UGT2B11: variants seen among roughly 807,000 people sequenced by gnomAD.
The protein encoded by UGT2B11 is UDP-glucuronosyltransferase 2B11.
A neutral mutation model predicts 51.7 loss-of-function variants in UGT2B11; 49 were observed. The ratio of observed to expected loss-of-function variants is 0.95; its 90% CI spans 0.75 to 1.20. The LOEUF (loss-of-function observed/expected upper bound fraction) is 1.20. Ranked by LOEUF, UGT2B11 falls within the 50% of genes most tolerant of loss-of-function variation. UGT2B11 has a pLI of 0.00. For missense variants in UGT2B11, 810 were observed against 622.1 expected (o/e 1.30, Z -3.21); for synonymous variants, 273 against 209.0 (o/e 1.31, Z -2.64).
In UGT2B11 at chr4:69,214,411, G is replaced by T. The variant is rs777772060; in HGVS notation, c.312C>A (p.Ser104Arg). The T allele has an allele frequency of 5.0e-6, 8 of 1,612,836 alleles. No homozygotes were observed. The highest frequency in any genetic ancestry group is 5.9e-6 in the Non-Finnish European group (7 of 1,179,470). ...VKRWSDIRKD[S>R]FWLYFSQEQE... ...GTTCTTGTGAAAAATATAACCAAAA[G>T]CTATCTTTTCGAATGTCTGACCATC... The change falls in exon 1 of 6, where the codon AGC becomes AGA. Residue 104 changes from serine to arginine, a missense_variant. Ser to Arg is a moderately radical substitution (Grantham distance 110, BLOSUM62 -1). Transcript: ENST00000446444.
At chr4:69,202,851 C>T (rs1270327731) in intron 5 of UGT2B11, among the ~76,000 whole-genome samples, 1 of 151,328 alleles carries the variant, frequency 6.6e-6, no homozygotes, top group Non-Finnish European at 1.5e-5. Context: ...ATTCGTTATC[C>T]TTCCATTTTC....
chr4:69,224,911 C>G, the UGT2B11 span, among the ~76,000 whole-genome samples: 2 of 152,038 alleles, frequency 1.3e-5, no homozygotes, highest in African/African-American at 2.4e-5. Flanking sequence ...GTTACCAGAG[C>G]CAGAAACAAA....
At chr4:69,215,001 T>C (rs1307784222), upstream of UGT2B11, 2 of 356,518 alleles carry the variant, frequency 5.6e-6, no homozygotes, top group Admixed American at 4.5e-5. Context: ...TTTATAATAG[T>C]GTCAAGAACA....
upstream of UGT2B11, among the ~76,000 whole-genome samples, chr4:69,218,225 G>A (rs1722324513): frequency 6.6e-6 from 1 of 151,962 alleles, no homozygotes; most frequent in East Asian, 1.9e-4. Flanking sequence ...GAGCCACCCA[G>A]CATTTGATAA....
At chr4:69,221,259 T>A in the UGT2B11 span, among the ~76,000 whole-genome samples, 1 of 152,194 alleles carries the variant, frequency 6.6e-6, no homozygotes, top group African/African-American at 2.4e-5. Context: ...ACTATTTGGT[T>A]TTTGTATTCC....
chr4:69,217,051 C>T (rs1252983722), upstream of UGT2B11, among the ~76,000 whole-genome samples: 1 of 152,098 alleles, frequency 6.6e-6, no homozygotes, highest in Non-Finnish European at 1.5e-5. Flanking sequence ...TTTATCCAAA[C>T]AGATATGTTT....
At position 69,214,743 on chromosome 4, in the gene UGT2B11, C is replaced by A. The variant is rs780140829; in HGVS notation, c.-21G>T. 9 of 1,603,630 alleles carry A rather than the reference C, an allele frequency of 5.6e-6. No individual in the cohort carries two copies. In the Middle Eastern group the frequency reaches 8.4e-4, roughly 149 times the overall value. ...GTCATCCTGGTGCAATGCGATCATT[C>A]TTTTCCAGTCACTGTTTCTTTCTCA... is the stretch of plus-strand genomic sequence containing the variant. On this transcript the variant is annotated 5_prime_UTR_variant, in exon 1 of 6. Transcript: ENST00000446444.
In UGT2B11 at chr4:69,214,641, C is replaced by A; in HGVS notation, c.82G>T (p.Val28Leu). Residue 28 changes from valine to leucine, a missense_variant, in exon 1 of 6, where the codon GTG becomes TTG. Coordinates refer to ENST00000446444, the MANE Select transcript of UGT2B11 (RefSeq NM_001073.3). The stretch of plus-strand genomic sequence containing the variant: ...CAATGGCTGTATTCTGCGGCCCACA[C>A]CAGCACTTTTCCACAACTCCCAGAG... ...FSSGSCGKVL[V>L]WAAEYSHWMN... 6.2e-7 allele frequency: 1 copy of A among 1,613,188 alleles called. No individual in the cohort carries two copies. The highest frequency in any genetic ancestry group is 8.5e-7 in the Non-Finnish European group (1 of 1,179,362).
intron 3 of UGT2B11, among the ~76,000 whole-genome samples, chr4:69,206,663 T>A (rs1309329441): frequency 2.0e-5 from 3 of 151,590 alleles, no homozygotes; most frequent in African/African-American, 7.3e-5. Context: ...ATTTAAAAAA[T>A]AAAAATATTA....
chr4:69,218,623 T>A (rs974350231), upstream of UGT2B11, among the ~76,000 whole-genome samples: 8 of 151,818 alleles, frequency 5.3e-5, no homozygotes, highest in South Asian at 2.1e-4. Flanking sequence ...TGTTCCCAGA[T>A]AAAGGGGCCT....
the UGT2B11 span, among the ~76,000 whole-genome samples, chr4:69,222,617 C>G: frequency 6.6e-6 from 1 of 152,206 alleles, no homozygotes; most frequent in Non-Finnish European, 1.5e-5. Flanking sequence ...GCTGCTAAAG[C>G]TGCTTCTTTT....
intron 2 of UGT2B11, 86 bp downstream of exon 2, chr4:69,212,487 A>T (rs1004732554): frequency 6.3e-5 from 98 of 1,558,918 alleles, no homozygotes; most frequent in Non-Finnish European, 8.1e-5. Context: ...TTTCAGTGTA[A>T]GTCAAACATT....
At position 69,214,350 on chromosome 4, in the gene UGT2B11, T is replaced by G; in HGVS notation, c.373A>C (p.Asn125His). The part of the protein sequence containing the change: ...ILWELYDIFR[N>H]FCKDVVSNKK... ...TTTGAAACTACATCTTTACAGAAGT[T>G]TCTAAATATGTCATATAATTCCCAC... The change falls in exon 1 of 6, where the codon AAC becomes CAC. Residue 125 changes from asparagine to histidine, a missense_variant. Asn to His is a moderately conservative substitution (Grantham distance 68, BLOSUM62 1). Coordinates refer to ENST00000446444, the MANE Select transcript of UGT2B11 (RefSeq NM_001073.3). 6.2e-7 allele frequency: 1 copy of G among 1,612,700 alleles called. No homozygotes were observed. Among genetic ancestry groups the G allele is most frequent in the East Asian group, 2.2e-5 (1 of 44,792 alleles).
At chr4:69,210,646 T>A (rs1722026809) in intron 2 of UGT2B11, among the ~76,000 whole-genome samples, 1 of 151,570 alleles carries the variant, frequency 6.6e-6, no homozygotes, top group Non-Finnish European at 1.5e-5. Context: ...TCAGTTTCCC[T>A]TAATGTGAAT....
chr4:69,216,387 A>C (rs1450925465), upstream of UGT2B11: 7 of 152,058 alleles, frequency 4.6e-5, no homozygotes, highest in East Asian at 7.7e-4. Context: ...ATATGAAATC[A>C]AGTTCCTTCT....
At chr4:69,219,800 G>GTA in the UGT2B11 span, among the ~76,000 whole-genome samples, 2 of 152,118 alleles carry the variant, frequency 1.3e-5, no homozygotes, top group Non-Finnish European at 2.9e-5. Flanking sequence ...CACAACAGCT[G>GTA]GGAATTATAG....
chr4:69,224,175 G>A, the UGT2B11 span, among the ~76,000 whole-genome samples: 2 of 152,124 alleles, frequency 1.3e-5, no homozygotes, highest in African/African-American at 4.8e-5. Flanking sequence ...ATCCTGCCTA[G>A]TGGGAATAAC....
chr4:69,210,449 G>C (rs1722018322), intron 2 of UGT2B11, among the ~76,000 whole-genome samples: 1 of 151,480 alleles, frequency 6.6e-6, no homozygotes, highest in Non-Finnish European at 1.5e-5. Context: ...AATGCAACCT[G>C]GGTTAGCAAT....
At chr4:69,204,281 A>G (rs1721767095) in intron 5 of UGT2B11, 149 bp downstream of exon 5, 6 of 1,264,034 alleles carry the variant, frequency 4.7e-6, no homozygotes, top group Admixed American at 5.9e-5. Flanking sequence ...TAAATAATAG[A>G]TGATAAAAAC....
Sources: allele counts gnomAD v4.1 joint callset (sites outside exome capture counted in the v4.1 genomes callset), GRCh38; gene constraint gnomAD v4.1.1; transcripts MANE v1.5; gene names NCBI Gene and HGNC (gene_info 2026-07-23, HGNC 2026-07-21).